The following CDH12 variants were observed in gnomAD, a reference collection of about 807,000 sequenced individuals.
CDH12 encodes the protein cadherin 12.
CDH12 carries 41 observed loss-of-function variants against 74.1 expected under a neutral mutation model. The observed-to-expected ratio is 0.55, with a 90% CI of 0.43 to 0.72. The LOEUF (loss-of-function observed/expected upper bound fraction) is 0.72. Ranked by LOEUF, CDH12 falls within the 30% of genes least tolerant of loss-of-function variation. The pLI, the probability that CDH12 is intolerant of heterozygous loss-of-function variation, is 0.00. For missense variants in CDH12, 945 were observed against 977.2 expected (o/e 0.97, Z 0.44); for synonymous variants, 399 against 355.0 (o/e 1.12, Z -1.39).
At chr5:22,283,231 T>TATATATATAG (rs1561281608) in intron 3 of CDH12, among the ~76,000 whole-genome samples, 1 of 24,022 alleles carries the variant, frequency 4.2e-5, no homozygotes, top group African/African-American at 1.2e-4. Flanking sequence ...TATATATATA[T>TATATATATAG]ATATATATAT....
chr5:22,193,048 A>C (rs1220620791), intron 4 of CDH12, among the ~76,000 whole-genome samples: 1 of 152,232 alleles, frequency 6.6e-6, no homozygotes, highest in Non-Finnish European at 1.5e-5. Context: ...ATAGTTTAGT[A>C]AGACACTCAG....
chr5:22,843,620 G>A (rs1737174485), intron 1 of CDH12, among the ~76,000 whole-genome samples: 1 of 148,518 alleles, frequency 6.7e-6, no homozygotes, highest in African/African-American at 2.4e-5. Flanking sequence ...TGTGGTGTGT[G>A]TGTGTGTGTG....
intron 1 of CDH12, among the ~76,000 whole-genome samples, chr5:22,848,336 A>G (rs1413927502): frequency 6.6e-6 from 1 of 152,046 alleles, no homozygotes; most frequent in African/African-American, 2.4e-5. Context: ...TACTGATACT[A>G]TTGCTGCTTT....
At chr5:22,379,599 T>G (rs923656917) in intron 3 of CDH12, among the ~76,000 whole-genome samples, 6 of 152,218 alleles carry the variant, frequency 3.9e-5, no homozygotes, top group Non-Finnish European at 8.8e-5. Flanking sequence ...ATTTATCTCC[T>G]GTGCAATTCT....
At chr5:22,780,543 A>G (rs1258787245) in intron 1 of CDH12, among the ~76,000 whole-genome samples, 1 of 152,140 alleles carries the variant, frequency 6.6e-6, no homozygotes, top group Non-Finnish European at 1.5e-5. Context: ...AAGGAGGGAA[A>G]GCTTCTCATA....
chr5:22,375,443 G>A (rs1741479438), intron 3 of CDH12, among the ~76,000 whole-genome samples: 1 of 151,952 alleles, frequency 6.6e-6, no homozygotes, highest in South Asian at 2.1e-4. Context: ...AACACAAATA[G>A]ACATATGGAA....
intron 3 of CDH12, among the ~76,000 whole-genome samples, chr5:22,402,019 A>C (rs994277205): frequency 6.6e-6 from 1 of 152,242 alleles, no homozygotes; most frequent in Non-Finnish European, 1.5e-5. Context: ...TCTGGCCTTC[A>C]GAACTTTGAG....
At chr5:22,154,785 G>C (rs552158666) in intron 4 of CDH12, among the ~76,000 whole-genome samples, 79 of 151,980 alleles carry the variant, frequency 5.2e-4, no homozygotes, top group African/African-American at 1.8e-3. Flanking sequence ...CACAAATTTA[G>C]CCACTTAACA....
At chr5:22,177,611 T>G (rs1475206090) in intron 4 of CDH12, among the ~76,000 whole-genome samples, 1 of 152,156 alleles carries the variant, frequency 6.6e-6, no homozygotes, top group Non-Finnish European at 1.5e-5. Context: ...TGGCTTTGAT[T>G]TCCACATTTA....
At chr5:22,640,707 T>A (rs1038357281) in intron 1 of CDH12, among the ~76,000 whole-genome samples, 5 of 152,174 alleles carry the variant, frequency 3.3e-5, no homozygotes, top group Non-Finnish European at 7.3e-5. Context: ...TTAAAACTTT[T>A]CCTTTACCTT....
At chr5:22,464,383 C>T (rs965927846) in intron 2 of CDH12, among the ~76,000 whole-genome samples, 1 of 152,068 alleles carries the variant, frequency 6.6e-6, no homozygotes, top group African/African-American at 2.4e-5. Flanking sequence ...TTTTCATGTC[C>T]TTTCTTTTGT....
chr5:22,185,733 G>A (rs542476025), intron 4 of CDH12, among the ~76,000 whole-genome samples: 1 of 152,278 alleles, frequency 6.6e-6, no homozygotes, highest in East Asian at 1.9e-4. Context: ...TTTCTATTGT[G>A]GTAGGAGTTT....
chr5:22,071,287 A>G (rs1429423507), intron 5 of CDH12, among the ~76,000 whole-genome samples: 1 of 152,172 alleles, frequency 6.6e-6, no homozygotes, highest in Non-Finnish European at 1.5e-5. Context: ...TAAACTGAGA[A>G]TATCAACAGG....
chr5:22,284,228 C>T (rs1737040388), intron 3 of CDH12, among the ~76,000 whole-genome samples: 1 of 152,076 alleles, frequency 6.6e-6, no homozygotes, highest in African/African-American at 2.4e-5. Flanking sequence ...TAGTAATGAG[C>T]ATGAAAAACC....
intron 3 of CDH12, among the ~76,000 whole-genome samples, chr5:22,306,987 T>C (rs1484443257): frequency 6.6e-6 from 1 of 152,234 alleles, no homozygotes; most frequent in Non-Finnish European, 1.5e-5. Context: ...TATATGCTGA[T>C]ATGAAAATTA....
chr5:22,235,159 C>T (rs1404833115), intron 3 of CDH12, among the ~76,000 whole-genome samples: 4 of 152,126 alleles, frequency 2.6e-5, no homozygotes, highest in Non-Finnish European at 5.9e-5. Context: ...CTTGAAACCT[C>T]ACTTATAAAT....
At position 22,572,314 on chromosome 5, in the gene CDH12, A is replaced by G. The variant is rs181593740; in HGVS notation, c.-522-66950T>C. Among the ~76,000 whole-genome samples, 27 of 152,310 alleles carry G rather than the reference A, an allele frequency of 1.8e-4. No homozygotes were observed. The East Asian group carries it at 5.2e-3, about 29-fold the overall frequency. The stretch of plus-strand genomic sequence containing the variant: ...TTTTTTAGTATTTTTAGTATTGACT[A>G]CTGGTGGGTCAATATTTTTCATCTT... On this transcript the variant is annotated intron_variant, in intron 1 of 14. Transcript: ENST00000382254.
chr5:21,903,954 G>C (rs1028309450), intron 6 of CDH12, among the ~76,000 whole-genome samples: 1 of 152,066 alleles, frequency 6.6e-6, no homozygotes, highest in African/African-American at 2.4e-5. Context: ...TAGAAAAAAA[G>C]ACATGGATTT....
At chr5:22,742,122 C>G (rs555896520) in intron 1 of CDH12, among the ~76,000 whole-genome samples, 1 of 151,590 alleles carries the variant, frequency 6.6e-6, no homozygotes, top group Admixed American at 6.6e-5. Flanking sequence ...GTGGAGGTTG[C>G]AGTGAGCTGA....
Sources: gnomAD v4.1 joint callset for allele counts (sites outside exome capture counted in the v4.1 genomes callset) on GRCh38, gnomAD v4.1.1 for gene constraint, MANE v1.5 for transcripts, NCBI Gene and HGNC (gene_info 2026-07-23, HGNC 2026-07-21) for gene names.